Variants in SACS observed in about 807,000 individuals in gnomAD.
The protein encoded by SACS is sacsin molecular chaperone, also known as sacsin.
In SACS, 197 loss-of-function variants were observed where a neutral mutation model predicts 348.0. The observed-to-expected ratio is 0.57, with a 90% confidence interval of 0.50 to 0.64. The LOEUF (loss-of-function observed/expected upper bound fraction) is 0.64, where lower values mean the gene tolerates loss of function less well. Among genes scored for constraint, SACS ranks in the 30% least tolerant of loss-of-function variants. The pLI is 0.00. For missense variants in SACS, 4,999 were observed against 5,360.8 expected (o/e 0.93, Z 2.11); for synonymous variants, 1,985 against 1,910.6 (o/e 1.04, Z -1.02).
At position 23,355,447 on chromosome 13, in the gene SACS, T is replaced by C; in HGVS notation, c.1165A>G (p.Lys389Glu). The change falls in exon 8 of 10, where the codon AAA (lysine) becomes GAA (glutamate). Residue 389 changes from lysine to glutamate, a missense_variant. Physicochemically the swap from Lys to Glu is moderately conservative, Grantham distance 56. Coordinates refer to ENST00000382292, the MANE Select transcript of SACS (RefSeq NM_014363.6). The stretch of plus-strand genomic sequence containing the variant: ...CTGTTACACACCAACCAAGATGTTT[T>C]CTGTGCATCCTTAGTACTCTCCTCT... The part of the protein sequence containing the change: ...LEEESTKDAQ[K>E]TSWLVCNSVG... The C allele has an allele frequency of 6.2e-7, 1 of 1,614,168 alleles. No homozygotes were observed. The highest frequency in any genetic ancestry group is 8.5e-7 in the Non-Finnish European group (1 of 1,180,018).
In SACS at chr13:23,335,469, T is replaced by C. The variant is rs1361216414; in HGVS notation, c.8407A>G (p.Thr2803Ala). The change falls in exon 10 of 10, where the codon ACC becomes GCC. Residue 2803 changes from threonine (T) to alanine (A), a missense_variant. Physicochemically the swap from Thr to Ala is moderately conservative, Grantham distance 58. This residue lies in a region of SACS where 3,156 missense variants were observed against 3,380.1 expected (regional missense o/e 0.93). Transcript: ENST00000382292. This position sits in a 1 kb window ranked among gnomAD's most constrained non-coding sequence, Gnocchi z 4.7. ...QLKDIPVQQI[T>A]YTMDTEDSEG... ...GAGTCCTCAGTATCCATAGTATAGG[T>C]TATTTGTTGAACTGGTATGTCTTTG... 6.2e-7 allele frequency: 1 copy of C among 1,613,720 alleles called. No homozygotes were observed. The highest frequency in any genetic ancestry group is 1.1e-5 in the South Asian group (1 of 91,076).
At chr13:23,391,356 G>A (rs1872519958) in intron 2 of SACS, among the ~76,000 whole-genome samples, 1 of 152,210 alleles carries the variant, frequency 6.6e-6, no homozygotes, top group Non-Finnish European at 1.5e-5. Context: ...TGCCCACCCA[G>A]CTCTCCGGCT....
At chr13:23,390,451 G>C (rs1338037858) in intron 2 of SACS, among the ~76,000 whole-genome samples, 3 of 152,156 alleles carry the variant, frequency 2.0e-5, no homozygotes, top group African/African-American at 7.2e-5. Flanking sequence ...CTTGAGTTCA[G>C]GAGTCCTAGA....
rs1247851946 is a variant in SACS, at chr13:23,331,123, G to A, written c.12753C>T (p.Ser4251=). ...AAGGAGCACTGTCCCTGCTTTGAGA[G>A]CTTTCCTCAGGTCTTGAAAACTTAT... ...DLYKFSRPEE[S]SQSRDSAPST... The change falls in exon 10 of 10, where the codon AGC becomes AGT. Residue 4251 remains serine (S), a synonymous_variant. Coordinates refer to ENST00000382292, the MANE Select transcript of SACS (RefSeq NM_014363.6). 6.2e-7 allele frequency: 1 copy of A among 1,614,094 alleles called. No homozygotes were observed.
rs115804936 is a variant in SACS, at chr13:23,364,629, C to T, written c.457+537G>A. Among the ~76,000 whole-genome samples the T allele has an allele frequency of 6.4e-3, 976 of 152,264 alleles. 11 individuals are homozygous for T. Among genetic ancestry groups the T allele is most frequent in the African/African-American group, 0.022 (929 of 41,540 alleles). ...CATTCTTTTTGACACCAAAGCTCCC[C>T]GGAGTAGAAGTGAGATATTAGGAGT... On this transcript the variant is annotated intron_variant, in intron 6 of 9. Transcript: ENST00000382292.
At position 23,331,020 on chromosome 13, in the gene SACS, G is replaced by A; in HGVS notation, c.12856C>T (p.His4286Tyr). Residue 4286 changes from histidine to tyrosine, a missense_variant, in exon 10 of 10, where the codon CAC becomes TAC. Physicochemically the swap from His to Tyr is moderately conservative, Grantham distance 83 (BLOSUM62 2). Transcript: ENST00000382292. ...IPPLFSGRES[H>Y]KTSSKHQSPK... ...GACTGATGTTTGGAAGAAGTCTTGT[G>A]GCTCTCTCTACCAGAGAAAAGAGGA... 6.2e-7 allele frequency: 1 copy of A among 1,614,058 alleles called. No homozygotes were observed. The highest frequency in any genetic ancestry group is 8.5e-7 in the Non-Finnish European group (1 of 1,179,946).
intron 1 of SACS, among the ~76,000 whole-genome samples, chr13:23,425,504 G>A (rs1049609490): frequency 2.6e-5 from 4 of 152,150 alleles, no homozygotes; most frequent in Non-Finnish European, 5.9e-5. Context: ...GGGGCCTGAT[G>A]TCGTGCTGGG....
intron 2 of SACS, among the ~76,000 whole-genome samples, chr13:23,387,463 G>GAA (rs60355580): frequency 0.014 from 1,252 of 91,122 alleles, 38 homozygotes; most frequent in Admixed American, 0.036. Context: ...CTCCGTCTCA[G>GAA]AAAAAAAAAA....
chr13:23,432,845 A>AG (rs1874489780), intron 1 of SACS, among the ~76,000 whole-genome samples: 1 of 152,148 alleles, frequency 6.6e-6, no homozygotes, highest in Admixed American at 6.5e-5. Flanking sequence ...ATCCATCTTC[A>AG]GGGGCAGAGA....
At chr13:23,388,082 AATCCTGCTACGGGGT>A (rs1872368662) in intron 2 of SACS, among the ~76,000 whole-genome samples, 1 of 152,214 alleles carries the variant, frequency 6.6e-6, no homozygotes, top group Non-Finnish European at 1.5e-5. Flanking sequence ...TCAATCCAGC[AATCCTGCTACGGGGT>A]ATCCACCCAA....
rs1318174861 is a variant in SACS at position 23,334,031 on chromosome 13, G to A, written c.9845C>T (p.Pro3282Leu). The A allele has an allele frequency of 1.9e-6, 3 of 1,613,672 alleles. No homozygotes were observed. Among genetic ancestry groups the A allele is most frequent in the South Asian group, 1.1e-5 (1 of 91,072 alleles). The change falls in exon 10 of 10, where the codon CCA (proline) becomes CTA (leucine). Residue 3282 changes from proline to leucine, a missense_variant. This residue lies in a region of SACS where 734 missense variants were observed against 694.0 expected (regional missense o/e 1.06). Coordinates refer to ENST00000382292, the MANE Select transcript of SACS (RefSeq NM_014363.6). ...GGCTGAAACAGTAAACTTTGTTCCTGGAAGCAATGCCCAGTCTTTTAGAGT... is the reference window on the plus strand; with the variant it reads ...GGCTGAAACAGTAAACTTTGTTCCTAGAAGCAATGCCCAGTCTTTTAGAGT... ...VDTLKDWALL[P>L]GTKFTVSANQ...
chr13:23,334,545 T>C lies in SACS; in HGVS notation c.9331A>G (p.Asn3111Asp). The change falls in exon 10 of 10, where the codon AAT (asparagine) becomes GAT (aspartate). Residue 3111 changes from asparagine (N) to aspartate (D), a missense_variant. Asn to Asp is a conservative substitution (Grantham distance 23, BLOSUM62 1). Coordinates refer to ENST00000382292, the MANE Select transcript of SACS (RefSeq NM_014363.6). ...CAAGGCAGCTTCCCAATATGGCAAT[T>C]AGTGTCAGGAGAGGAAAATGTCATT... is the stretch of plus-strand genomic sequence containing the variant. ...FLMTFSSPDT[N>D]CHIGKLPCRL... 6.2e-7 allele frequency: 1 copy of C among 1,613,498 alleles called. No individual in the cohort carries two copies. Among genetic ancestry groups the C allele is most frequent in the South Asian group, 1.1e-5 (1 of 91,070 alleles).
chr13:23,416,061 C>T (rs1375527477), intron 1 of SACS, among the ~76,000 whole-genome samples: 3 of 152,128 alleles, frequency 2.0e-5, no homozygotes, highest in Non-Finnish European at 4.4e-5. Flanking sequence ...TGTTAGGTCA[C>T]CTGAGGTCAG....
In SACS at chr13:23,344,521, T is replaced by C. The variant is rs947804032; in HGVS notation, c.2186-2831A>G. Reference sequence around the variant, plus strand: ...GTATACGTAAATTAAGTCAGTTCAATCTGAGGTCCTGAATTCTATCCATTG... The same window carrying C: ...GTATACGTAAATTAAGTCAGTTCAACCTGAGGTCCTGAATTCTATCCATTG... On this transcript the variant is annotated intron_variant, in intron 9 of 9. Transcript: ENST00000382292. Among the ~76,000 whole-genome samples, 3 of 152,230 alleles carry C rather than the reference T, an allele frequency of 2.0e-5. No homozygotes were observed. In the East Asian group the frequency reaches 5.8e-4, roughly 29 times the overall value.
intron 1 of SACS, among the ~76,000 whole-genome samples, chr13:23,430,124 CT>C (rs1874375034): frequency 6.6e-6 from 1 of 152,064 alleles, no homozygotes; most frequent in Non-Finnish European, 1.5e-5. Context: ...AGGAGAATCA[CT>C]GGAACCCGGG....
At chr13:23,365,466 T>A (rs1449953267) in intron 5 of SACS, among the ~76,000 whole-genome samples, 189 bp from the exon 6 acceptor site, 1 of 152,230 alleles carries the variant, frequency 6.6e-6, no homozygotes, top group Non-Finnish European at 1.5e-5. Flanking sequence ...GACAGTATGG[T>A]TGAAAAGTCC....
chr13:23,355,639 C>G lies in SACS; in HGVS notation c.973G>C (p.Gly325Arg). 3.7e-6 allele frequency: 6 copies of G among 1,614,100 alleles called. No homozygotes were observed. Among genetic ancestry groups the G allele is most frequent in the Non-Finnish European group, 5.1e-6 (6 of 1,180,028 alleles). ...DVSLYVREADGTEKLVFRVTS... is the reference protein window; with the variant it reads ...DVSLYVREADRTEKLVFRVTS... ...ACTCTAAACACCAGTTTCTCTGTTC[C>G]GTCAGCCTCTCGGACATATAAGGAA... The change falls in exon 8 of 10, where the codon GGA (glycine) becomes CGA (arginine). Residue 325 changes from glycine (G) to arginine (R), a missense_variant. Physicochemically the swap from Gly to Arg is moderately radical, Grantham distance 125. Coordinates refer to ENST00000382292, the MANE Select transcript of SACS (RefSeq NM_014363.6).
intron 2 of SACS, among the ~76,000 whole-genome samples, chr13:23,381,312 C>T (rs1056488546): frequency 4.0e-5 from 6 of 151,204 alleles, no homozygotes; most frequent in Non-Finnish European, 7.4e-5. Context: ...TGCTCTCCAG[C>T]GCATGGCAAT....
Position 23,338,018 on chromosome 13 carries a change from T to C in SACS, c.5858A>G (p.His1953Arg), listed in dbSNP as rs1428265468. ...TTGGCAAATTACAGAAAAATCATCA[T>C]GAACTAAATCAGGATCGGGCCATAC... is the stretch of plus-strand genomic sequence containing the variant. ...YAVWPDPDLV[H>R]DDFSVICQGF... The change falls in exon 10 of 10, where the codon CAT (histidine) becomes CGT (arginine). Residue 1953 changes from histidine to arginine, a missense_variant. This residue lies in a region of SACS where 3,156 missense variants were observed against 3,380.1 expected (regional missense o/e 0.93). Transcript: ENST00000382292. 1.9e-6 allele frequency: 3 copies of C among 1,613,828 alleles called. No individual in the cohort carries two copies. The highest frequency in any genetic ancestry group is 2.5e-6 in the Non-Finnish European group (3 of 1,179,952).
Sources: gnomAD v4.1 joint callset for allele counts (sites outside exome capture counted in the v4.1 genomes callset) on GRCh38, gnomAD v4.1.1 for gene constraint, gnomAD v4.1.1 regional missense constraint, Gnocchi (gnomAD v3.1) non-coding constraint, MANE v1.5 for transcripts, NCBI Gene and HGNC (gene_info 2026-07-23, HGNC 2026-07-21) for gene names.